Variants in C2orf80 observed in about 807,000 individuals in gnomAD.
C2orf80 encodes uncharacterized protein C2orf80.
In C2orf80, 28 loss-of-function variants were observed where a neutral mutation model predicts 30.2. The observed-to-expected ratio is 0.93, with a 90% CI of 0.69 to 1.27. The LOEUF (loss-of-function observed/expected upper bound fraction) is 1.27. Ranked by LOEUF, C2orf80 falls within the 50% of genes most tolerant of loss-of-function variation. The pLI is 0.00. For missense variants in C2orf80, 220 were observed against 231.0 expected (o/e 0.95, Z 0.31); for synonymous variants, 80 against 76.4 (o/e 1.05, Z -0.24).
At position 208,180,801 on chromosome 2, in the gene C2orf80, C is replaced by G; in HGVS notation, c.310G>C (p.Glu104Gln). 6.2e-7 allele frequency: 1 copy of G among 1,613,484 alleles called. No individual in the cohort carries two copies. The highest frequency in any genetic ancestry group is 8.5e-7 in the Non-Finnish European group (1 of 1,179,626). Residue 104 changes from glutamate (E) to glutamine (Q), a missense_variant, in exon 6 of 9, where the codon GAG (glutamate) becomes CAG (glutamine). Coordinates refer to ENST00000341287, the MANE Select transcript of C2orf80 (RefSeq NM_001099334.3). ...GCCCCATAAATTTTAAAGACTTCCT[C>G]AATCGGGATACTGTTCTGTTAAACA... ...AGILMNSIPIEEVFKIYGADS... is the reference protein window; with the variant it reads ...AGILMNSIPIQEVFKIYGADS...
intron 4 of C2orf80, 93 bp from the exon 5 acceptor site, chr2:208,181,398 A>T (rs967994124): frequency 1.9e-5 from 15 of 778,432 alleles, no homozygotes; most frequent in Non-Finnish European, 2.5e-5. Flanking sequence ...GTAATCTGCA[A>T]TGGCTGTGTG....
intron 8 of C2orf80, chr2:208,168,356 T>A (rs1250611408): frequency 1.2e-5 from 4 of 336,214 alleles, no homozygotes; most frequent in Non-Finnish European, 2.3e-5. Flanking sequence ...TTAAAATTTT[T>A]AAAACTAGTT....
At chr2:208,187,158 C>T in intron 1 of C2orf80, 97 bp from the exon 2 acceptor site, 2 of 600,022 alleles carry the variant, frequency 3.3e-6, no homozygotes, top group Non-Finnish European at 5.8e-6. Flanking sequence ...TGAGGGAGCA[C>T]CTCATTCAGG....
intron 1 of C2orf80, among the ~76,000 whole-genome samples, chr2:208,189,304 G>A (rs771610528): frequency 3.0e-4 from 45 of 152,028 alleles, no homozygotes; most frequent in East Asian, 5.8e-4. Flanking sequence ...TGACAGCTTC[G>A]TCTTAGATCA....
At chr2:208,185,623 T>C (rs1696695191) in intron 2 of C2orf80, among the ~76,000 whole-genome samples, 1 of 152,128 alleles carries the variant, frequency 6.6e-6, no homozygotes, top group African/African-American at 2.4e-5. Flanking sequence ...AGAAAGGTGC[T>C]ACCCCGGGAA....
chr2:208,174,234 A>T (rs1696204216), intron 6 of C2orf80, among the ~76,000 whole-genome samples: 1 of 152,144 alleles, frequency 6.6e-6, no homozygotes, highest in Non-Finnish European at 1.5e-5. Context: ...GACTACAGAT[A>T]CTGCGCCTGG....
chr2:208,183,064 C>T lies in C2orf80; in HGVS notation c.124-17G>A, dbSNP rs1265642232. On this transcript the variant is annotated splice_polypyrimidine_tract_variant and intron_variant, in intron 3 of 8. Coordinates refer to ENST00000341287, the MANE Select transcript of C2orf80 (RefSeq NM_001099334.3). ...ATAGTGTGCCTGGGAGCAGGAAGCA[C>T]AGAGAGCAAAGAAACAGGCTTAGAC... The T allele has an allele frequency of 6.2e-7, 1 of 1,610,552 alleles. No individual in the cohort carries two copies. The highest frequency in any genetic ancestry group is 8.5e-7 in the Non-Finnish European group (1 of 1,176,874).
chr2:208,186,890 T>G, intron 2 of C2orf80, 56 bp downstream of exon 2: 13 of 1,490,458 alleles, frequency 8.7e-6, no homozygotes, highest in African/African-American at 1.4e-5. Context: ...ATCTATGACA[T>G]GAAATCCACC....
chr2:208,174,738 T>TGGATGTCAGTTAGGATGGACTC (rs1187810777), intron 6 of C2orf80, among the ~76,000 whole-genome samples: 1 of 152,194 alleles, frequency 6.6e-6, no homozygotes, highest in Non-Finnish European at 1.5e-5. Context: ...GCCCTGGACT[T>TGGATGTCAGTTAGGATGGACTC]GGATGTCAGT....
rs1296680215 is a variant in C2orf80, at chr2:208,171,024, G to A, written c.494C>T (p.Thr165Ile). The change falls in exon 8 of 9, where the codon ACC becomes ATC. Residue 165 changes from threonine to isoleucine, a missense_variant. Coordinates refer to ENST00000341287, the MANE Select transcript of C2orf80 (RefSeq NM_001099334.3). ...ATTTGCTTCCTTTGCAGAGATGCTG[G>A]TGGCATTTTTATTTGTTGTTACCTT... ...SRKVTTNKNA[T>I]SISAKEANAT... 5 of 1,614,118 alleles carry A rather than the reference G, an allele frequency of 3.1e-6. No homozygotes were observed. Among genetic ancestry groups the A allele is most frequent in the Non-Finnish European group, 3.4e-6 (4 of 1,179,970 alleles).
chr2:208,174,216 A>C (rs1035269257), intron 6 of C2orf80, among the ~76,000 whole-genome samples: 5 of 152,138 alleles, frequency 3.3e-5, no homozygotes, highest in African/African-American at 1.2e-4. Context: ...AGCCTCTTAA[A>C]GGGCTGGGAC....
At chr2:208,172,216 C>T (rs945883615) in intron 6 of C2orf80, 141 bp from the exon 7 acceptor site, 14 of 740,920 alleles carry the variant, frequency 1.9e-5, no homozygotes, top group Middle Eastern at 3.7e-4. Flanking sequence ...ACACACTGTC[C>T]ACAGTCCATT....
At chr2:208,187,815 A>T (rs1335121938) in intron 1 of C2orf80, among the ~76,000 whole-genome samples, 1 of 151,890 alleles carries the variant, frequency 6.6e-6, no homozygotes, top group Non-Finnish European at 1.5e-5. Flanking sequence ...TTATCATTTA[A>T]ATCAGTGGAC....
At chr2:208,170,319 C>T (rs568733139) in intron 8 of C2orf80, among the ~76,000 whole-genome samples, 137 of 152,286 alleles carry the variant, frequency 9.0e-4, no homozygotes, top group African/African-American at 3.0e-3. Flanking sequence ...TCACTTTGCA[C>T]ATTACAGCTG....
At chr2:208,183,469 A>G (rs2105911545) in intron 3 of C2orf80, among the ~76,000 whole-genome samples, 1 of 152,216 alleles carries the variant, frequency 6.6e-6, no homozygotes. Flanking sequence ...TTAACATAGT[A>G]AAAGGTAAGG....
chr2:208,169,380 C>G (rs529657530), intron 8 of C2orf80, among the ~76,000 whole-genome samples: 39 of 151,326 alleles, frequency 2.6e-4, no homozygotes, highest in African/African-American at 9.0e-4. Flanking sequence ...TAAAAAATGA[C>G]CTCATTTTTC....
chr2:208,165,857 T>A, intron 8 of C2orf80, 42 bp from the exon 9 acceptor site: 5 of 1,350,660 alleles, frequency 3.7e-6, no homozygotes, highest in Non-Finnish European at 5.3e-6. Context: ...CACATCAATT[T>A]AACATGGACA....
chr2:208,173,831 G>C (rs1036927896), intron 6 of C2orf80, among the ~76,000 whole-genome samples: 2 of 152,096 alleles, frequency 1.3e-5, no homozygotes, highest in African/African-American at 4.8e-5. Context: ...TGTTAATACT[G>C]TTCCATTTTA....
intron 8 of C2orf80, among the ~76,000 whole-genome samples, chr2:208,169,929 A>C (rs1041725604): frequency 1.3e-5 from 2 of 152,152 alleles, no homozygotes; most frequent in Non-Finnish European, 2.9e-5. Flanking sequence ...TTACATTTCT[A>C]ATTAATCAGA....
Sources: allele counts gnomAD v4.1 joint callset (sites outside exome capture counted in the v4.1 genomes callset), GRCh38; gene constraint gnomAD v4.1.1; transcripts MANE v1.5; gene names NCBI Gene and HGNC (gene_info 2026-07-23, HGNC 2026-07-21).